Variants in RSPO3 observed in about 807,000 individuals in gnomAD.
RSPO3 encodes R-spondin 3, also known as R-spondin-3.
RSPO3 carries 17 observed loss-of-function variants against 36.5 expected under a neutral mutation model. The ratio of observed to expected loss-of-function variants is 0.47; its 90% CI spans 0.32 to 0.70. RSPO3 has a LOEUF of 0.70. Ranked by LOEUF, RSPO3 falls within the 30% of genes least tolerant of loss-of-function variation. The probability of loss-of-function intolerance (pLI) is 0.04; values close to 1 mark genes in which losing one functional copy is unlikely to be tolerated. For synonymous variants in RSPO3, 108 were observed against 107.0 expected (o/e 1.01, Z -0.06); for missense variants, 294 against 322.5 (o/e 0.91, Z 0.68).
intron 1 of RSPO3, among the ~76,000 whole-genome samples, chr6:127,124,438 C>A (rs1773901589): frequency 1.3e-5 from 2 of 151,890 alleles, no homozygotes; most frequent in African/African-American, 4.8e-5. Flanking sequence ...AAGGATCATG[C>A]AAGACAGTGT....
intron 4 of RSPO3, among the ~76,000 whole-genome samples, chr6:127,184,350 T>C (rs553427848): frequency 6.6e-6 from 1 of 152,080 alleles, no homozygotes; most frequent in African/African-American, 2.4e-5. Flanking sequence ...GAAACAAAAT[T>C]CAATATCACC....
At chr6:127,178,997 T>G (rs1233206465) in intron 4 of RSPO3, among the ~76,000 whole-genome samples, 1 of 151,890 alleles carries the variant, frequency 6.6e-6, no homozygotes, top group African/African-American at 2.4e-5. Flanking sequence ...GAGGAAGACA[T>G]AATTTCATTC....
intron 2 of RSPO3, among the ~76,000 whole-genome samples, chr6:127,149,822 T>C (rs1322193350): frequency 8.5e-5 from 13 of 152,098 alleles, no homozygotes; most frequent in South Asian, 2.1e-4. Flanking sequence ...CATTGGATTG[T>C]TGTAAACTTT....
At chr6:127,137,772 C>T (rs1774190202) in intron 1 of RSPO3, among the ~76,000 whole-genome samples, 1 of 152,086 alleles carries the variant, frequency 6.6e-6, no homozygotes, top group Non-Finnish European at 1.5e-5. Context: ...CCTATCTGTT[C>T]TCTGTAGTCT....
chr6:127,150,531 G>C lies in RSPO3; in HGVS notation c.395G>C (p.Gly132Ala). Residue 132 changes from glycine to alanine, a missense_variant, in exon 3 of 5, where the codon GGG (glycine) becomes GCG (alanine). By Grantham distance (60) the Gly-to-Ala change is moderately conservative. Coordinates refer to ENST00000356698, the MANE Select transcript of RSPO3 (RefSeq NM_032784.5). The part of the protein sequence containing the change: ...LGKCLDNCPE[G>A]LEANNHTMEC... ...AAGTGCCTTGACAATTGCCCAGAAGGGTTGGAAGCCAACAACCATACTATG... is the reference window on the plus strand; with the variant it reads ...AAGTGCCTTGACAATTGCCCAGAAGCGTTGGAAGCCAACAACCATACTATG... The C allele has an allele frequency of 1.2e-6, 2 of 1,611,828 alleles. No homozygotes were observed. The highest frequency in any genetic ancestry group is 1.7e-6 in the Non-Finnish European group (2 of 1,178,820).
At chr6:127,172,254 C>T (rs560687177) in intron 4 of RSPO3, among the ~76,000 whole-genome samples, 1 of 150,528 alleles carries the variant, frequency 6.6e-6, no homozygotes, top group African/African-American at 2.4e-5. Flanking sequence ...CTCACACATA[C>T]AGACACCTGT....
In RSPO3 at chr6:127,197,488, T is replaced by G; in HGVS notation, c.*1481T>G. ...TTTCACAGAGGACACAGCCCACCCC[T>G]TGCAGGAGGAGGTATCTCTGAGTGT... On this transcript the variant is annotated 3_prime_UTR_variant, in exon 5 of 5. Transcript: ENST00000356698. The G allele has an allele frequency of 1.3e-6, 2 of 1,550,590 alleles. No homozygotes were observed. Among genetic ancestry groups the G allele is most frequent in the Middle Eastern group, 1.7e-4 (1 of 5,992 alleles).
intron 4 of RSPO3, among the ~76,000 whole-genome samples, chr6:127,163,298 C>A (rs1162308937): frequency 1.3e-5 from 2 of 152,130 alleles, no homozygotes; most frequent in Admixed American, 6.6e-5. Flanking sequence ...GTTGCCGAAA[C>A]CTCTTTGACA....
chr6:127,182,893 C>A (rs185895513), intron 4 of RSPO3, among the ~76,000 whole-genome samples: 1 of 152,004 alleles, frequency 6.6e-6, no homozygotes. Flanking sequence ...AGACTACATT[C>A]TCAACTCCAC....
At chr6:127,120,526 G>C (rs1394308892) in intron 1 of RSPO3, among the ~76,000 whole-genome samples, 1 of 152,202 alleles carries the variant, frequency 6.6e-6, no homozygotes, top group East Asian at 1.9e-4. Flanking sequence ...CGTCCCGCCC[G>C]GGAAGCCTTT....
In RSPO3 at chr6:127,195,982, C is replaced by T. The variant is rs750399787; in HGVS notation, c.794C>T (p.Ser265Leu). The change falls in exon 5 of 5, where the codon TCG becomes TTG. Residue 265 changes from serine to leucine, a missense_variant. By Grantham distance (145) the Ser-to-Leu change is moderately radical. Around this residue, in one of 3 missense-constraint regions of RSPO3, gnomAD observed 190 missense variants for 185.2 expected, o/e 1.03. Transcript: ENST00000356698. ...KKRKVQDKQK[S>L]VSVSTVH ...CGAAAAGTCCAAGATAAACAGAAAT[C>T]GGTATCAGTCAGCACTGTACACTAG... is the stretch of plus-strand genomic sequence containing the variant. The T allele has an allele frequency of 4.6e-5, 74 of 1,612,712 alleles. 1 individual carries two copies. The Middle Eastern group carries it at 6.6e-4, about 14-fold the overall frequency.
rs1362892791 is a variant in RSPO3 at position 127,118,852 on chromosome 6, G to C, written c.-341G>C. ...CGCCGCTGCAGCCGCCGCCGCCGCC[G>C]CTCGCCCGCCCGGATCCCGCCTGCG... On this transcript the variant is annotated 5_prime_UTR_variant, in exon 1 of 5. Transcript: ENST00000356698. The C allele has an allele frequency of 6.0e-6, 1 of 166,454 alleles. No individual in the cohort carries two copies. The highest frequency in any genetic ancestry group is 1.3e-5 in the Non-Finnish European group (1 of 78,310). The allele number at this position is 166,454 out of a possible 1,614,324, so 10.3% of individuals were successfully genotyped here.
At position 127,197,679 on chromosome 6, in the gene RSPO3, A is replaced by G. The variant is rs1775543099; in HGVS notation, c.*1672A>G. The stretch of plus-strand genomic sequence containing the variant: ...TATCTCTGGACACCCGTTCTCCACC[A>G]GTTGTACAGTTCATGTAATCTACTT... On this transcript the variant is annotated 3_prime_UTR_variant, in exon 5 of 5. Transcript: ENST00000356698. 1.2e-6 allele frequency: 1 copy of G among 829,992 alleles called. No individual in the cohort carries two copies. Among genetic ancestry groups the G allele is most frequent in the Non-Finnish European group, 1.8e-6 (1 of 554,946 alleles). The allele number at this position is 829,992 out of a possible 1,614,324, so 51.4% of individuals were successfully genotyped here. A position where few individuals can be genotyped will look rare whatever the true frequency, so the allele number is the denominator to read the frequency against.
At position 127,155,310 on chromosome 6, in the gene RSPO3, A is replaced by G. The variant is rs949142343; in HGVS notation, c.506A>G (p.Lys169Arg). ...CTKKGKTCGF[K>R]RGTETRVREI... ...AAGAAGGGAAAAACATGTGGCTTCA[A>G]AAGAGGGACTGAAACACGGGTCCGA... Residue 169 changes from lysine to arginine, a missense_variant, in exon 4 of 5, where the codon AAA becomes AGA. Lys to Arg is a conservative substitution (Grantham distance 26). Around this residue, in one of 3 missense-constraint regions of RSPO3, gnomAD observed 190 missense variants for 185.2 expected, o/e 1.03. Transcript: ENST00000356698. The G allele has an allele frequency of 1.9e-6, 3 of 1,613,862 alleles. No individual in the cohort carries two copies. Among genetic ancestry groups the G allele is most frequent in the Non-Finnish European group, 1.7e-6 (2 of 1,179,930 alleles).
chr6:127,192,670 T>C, intron 4 of RSPO3: 1 of 985,424 alleles, frequency 1.0e-6, no homozygotes, highest in South Asian at 4.7e-5. Context: ...AGATGAACGC[T>C]GTTTTAATCA....
chr6:127,149,421 T>A (rs1052064823), intron 2 of RSPO3, among the ~76,000 whole-genome samples: 1 of 152,002 alleles, frequency 6.6e-6, no homozygotes, highest in Non-Finnish European at 1.5e-5. Context: ...CAGCCTCACT[T>A]CCCTTCTCAT....
At chr6:127,156,355 T>C (rs1464072337) in intron 4 of RSPO3, among the ~76,000 whole-genome samples, 1 of 152,104 alleles carries the variant, frequency 6.6e-6, no homozygotes, top group Non-Finnish European at 1.5e-5. Context: ...TTAGGGTGAA[T>C]AAACTTCCAG....
intron 1 of RSPO3, among the ~76,000 whole-genome samples, chr6:127,132,777 T>C (rs760422245): frequency 1.4e-4 from 21 of 152,134 alleles, no homozygotes; most frequent in Non-Finnish European, 2.4e-4. Flanking sequence ...GCTTTCCTGT[T>C]TGCACAGCAT....
chr6:127,180,764 T>C (rs1775168769), intron 4 of RSPO3, among the ~76,000 whole-genome samples: 1 of 151,842 alleles, frequency 6.6e-6, no homozygotes, highest in African/African-American at 2.4e-5. Flanking sequence ...TATAGTTTCA[T>C]AGAGACCATT....
Sources: allele counts gnomAD v4.1 joint callset (sites outside exome capture counted in the v4.1 genomes callset), GRCh38; gene constraint gnomAD v4.1.1; regional missense constraint gnomAD v4.1.1; transcripts MANE v1.5; gene names NCBI Gene and HGNC (gene_info 2026-07-23, HGNC 2026-07-21).